Variants in SH3RF1 observed in about 807,000 individuals in gnomAD.
The protein encoded by SH3RF1 is SH3 domain containing ring finger 1, also known as E3 ubiquitin-protein ligase SH3RF1.
Under a neutral mutation model 74.0 loss-of-function variants are expected in SH3RF1, and 32 were observed. The observed-to-expected ratio is 0.43, with a 90% CI of 0.33 to 0.58. The LOEUF is 0.58. Among genes scored for constraint, SH3RF1 ranks in the 20% least tolerant of loss-of-function variants. The pLI, the probability that SH3RF1 is intolerant of heterozygous loss-of-function variation, is 0.05. For synonymous variants in SH3RF1, 396 were observed against 439.6 expected, an observed-to-expected ratio of 0.90 and a Z score of 1.24; for missense variants, 954 against 1,130.9, an observed-to-expected ratio of 0.84 and a Z score of 2.24.
chr4:169,243,068 C>G (rs1035942388), intron 2 of SH3RF1, among the ~76,000 whole-genome samples: 1 of 152,212 alleles, frequency 6.6e-6, no homozygotes, highest in Non-Finnish European at 1.5e-5. Flanking sequence ...CTTCAAACCC[C>G]TTCTCCCAAA....
chr4:169,116,222 CA>C, intron 10 of SH3RF1, 46 bp downstream of exon 10: 1 of 1,537,866 alleles, frequency 6.5e-7, no homozygotes, highest in Non-Finnish European at 8.8e-7. Flanking sequence ...AGAAGAAAAA[CA>C]GGGAAGTAAG....
rs1013808279 is a variant in SH3RF1, at chr4:169,158,024, C to T, written c.394-1345G>A. Among the ~76,000 whole-genome samples the T allele has an allele frequency of 3.3e-5, 5 of 152,338 alleles. No homozygotes were observed. In the East Asian group the frequency reaches 9.6e-4, roughly 29 times the overall value. ...AAAGTGCTGGGATTATAGGCATGAG[C>T]CATCGCACCCAGTGCAAGCTTTTAC... On this transcript the variant is annotated intron_variant, in intron 2 of 11. Transcript: ENST00000284637.
intron 2 of SH3RF1, among the ~76,000 whole-genome samples, chr4:169,225,559 C>A (rs1308915113): frequency 6.6e-6 from 1 of 152,054 alleles, no homozygotes; most frequent in Non-Finnish European, 1.5e-5. Flanking sequence ...GGTAAAAGGC[C>A]AATGGATTTA....
At chr4:169,269,555 G>C (rs894874182) in intron 1 of SH3RF1, 2 of 218,264 alleles carry the variant, frequency 9.2e-6, no homozygotes, top group Non-Finnish European at 9.2e-6. Context: ...ACAAGGCACA[G>C]AGTATTACAT....
chr4:169,230,855 CAAAA>C (rs35156191), intron 2 of SH3RF1, among the ~76,000 whole-genome samples: 4,099 of 122,116 alleles, frequency 0.034, 72 homozygotes, highest in South Asian at 0.12. Flanking sequence ...GAAACCACCT[CAAAA>C]AAAAAAAAAA....
chr4:169,197,581 G>A (rs941067808), intron 2 of SH3RF1, among the ~76,000 whole-genome samples: 3 of 137,656 alleles, frequency 2.2e-5, no homozygotes, highest in African/African-American at 5.4e-5. Context: ...CCAAGATTGC[G>A]CCACTGTACT....
At chr4:169,251,163 G>A (rs79896801) in intron 2 of SH3RF1, among the ~76,000 whole-genome samples, 4 of 152,238 alleles carry the variant, frequency 2.6e-5, no homozygotes, top group Non-Finnish European at 5.9e-5. Flanking sequence ...AGACACAAGT[G>A]GACAGAAGGT....
intron 2 of SH3RF1, among the ~76,000 whole-genome samples, chr4:169,236,458 T>C (rs991731986): frequency 2.6e-5 from 4 of 152,216 alleles, no homozygotes; most frequent in Non-Finnish European, 5.9e-5. Flanking sequence ...GCATCTCAAA[T>C]TTCAGGGTTG....
At chr4:169,133,562 G>A (rs1209064930) in intron 5 of SH3RF1, among the ~76,000 whole-genome samples, 1 of 151,966 alleles carries the variant, frequency 6.6e-6, no homozygotes, top group Non-Finnish European at 1.5e-5. Context: ...TGGATCACCT[G>A]AGGTCAGGAG....
chr4:169,189,724 T>C (rs987952332), intron 2 of SH3RF1, among the ~76,000 whole-genome samples: 1 of 152,214 alleles, frequency 6.6e-6, no homozygotes, highest in Admixed American at 6.5e-5. Flanking sequence ...CTGCGTGCTC[T>C]TGGGCAAGTT....
chr4:169,129,935 C>T, intron 6 of SH3RF1, 111 bp downstream of exon 6: 1 of 790,684 alleles, frequency 1.3e-6, no homozygotes, highest in South Asian at 1.7e-5. Context: ...TAGATACCCA[C>T]CTCACCTAAC....
intron 2 of SH3RF1, among the ~76,000 whole-genome samples, chr4:169,252,873 G>A (rs961797759): frequency 3.3e-5 from 5 of 152,048 alleles, no homozygotes; most frequent in African/African-American, 1.2e-4. Context: ...CAGGATGGGT[G>A]GATTATAGCA....
intron 2 of SH3RF1, among the ~76,000 whole-genome samples, chr4:169,264,399 C>T (rs1275629166): frequency 1.2e-4 from 18 of 152,154 alleles, no homozygotes. Context: ...GTCCTATCCC[C>T]AAATATGGCC....
chr4:169,262,219 A>G (rs1353546899), intron 2 of SH3RF1, among the ~76,000 whole-genome samples: 1 of 152,244 alleles, frequency 6.6e-6, no homozygotes, highest in African/African-American at 2.4e-5. Flanking sequence ...CAAAAAATCA[A>G]GAAACTATAT....
chr4:169,151,726 T>C (rs1733979662), intron 4 of SH3RF1, among the ~76,000 whole-genome samples: 1 of 152,226 alleles, frequency 6.6e-6, no homozygotes, highest in Admixed American at 6.5e-5. Flanking sequence ...TTATCATCTA[T>C]AGCAGAGGAG....
rs951813020 is a variant in SH3RF1, at chr4:169,117,564, C to G, written c.1736G>C (p.Gly579Ala). The G allele has an allele frequency of 3.1e-6, 5 of 1,614,110 alleles. No homozygotes were observed. Among genetic ancestry groups the G allele is most frequent in the Non-Finnish European group, 4.2e-6 (5 of 1,180,044 alleles). The stretch of plus-strand genomic sequence containing the variant: ...GCGGGCCTGGTTGACTGTCATTTGC[C>G]CCGTCATGTGCAACAAGACCTTAGC... ...PQAKVLLHMT[G>A]QMTVNQARNA... Residue 579 changes from glycine (G) to alanine (A), a missense_variant, in exon 9 of 12, where the codon GGG becomes GCG. By Grantham distance (60) the Gly-to-Ala change is moderately conservative. This residue lies in a region of SH3RF1 where 854 missense variants were observed against 962.5 expected (regional missense o/e 0.89). Coordinates refer to ENST00000284637, the MANE Select transcript of SH3RF1 (RefSeq NM_020870.4).
intron 2 of SH3RF1, among the ~76,000 whole-genome samples, chr4:169,227,093 G>A (rs974988694): frequency 6.6e-6 from 1 of 151,986 alleles, no homozygotes; most frequent in African/African-American, 2.4e-5. Context: ...TTGAGCCCAG[G>A]AGGTTGAGGC....
chr4:169,232,425 GTAA>G (rs1730759512), intron 2 of SH3RF1, among the ~76,000 whole-genome samples: 1 of 152,158 alleles, frequency 6.6e-6, no homozygotes. Context: ...TTATTCATTT[GTAA>G]TGGATATGAA....
intron 3 of SH3RF1, 77 bp downstream of exon 3, chr4:169,156,326 CA>C: frequency 1.4e-6 from 2 of 1,429,526 alleles, no homozygotes; most frequent in Non-Finnish European, 1.9e-6. Flanking sequence ...TTGCAAAAGG[CA>C]ACACGAGCTA....
Sources: allele counts gnomAD v4.1 joint callset (sites outside exome capture counted in the v4.1 genomes callset), GRCh38; gene constraint gnomAD v4.1.1; regional missense constraint gnomAD v4.1.1; transcripts MANE v1.5; gene names NCBI Gene and HGNC (gene_info 2026-07-23, HGNC 2026-07-21).